ZNF276: variants seen among roughly 807,000 people sequenced by gnomAD.
ZNF276 encodes the protein centromere protein Z.
Under a neutral mutation model 63.9 loss-of-function variants are expected in ZNF276, and 59 were observed. The observed-to-expected ratio is 0.92, with a 90% confidence interval of 0.75 to 1.15. ZNF276 has a LOEUF of 1.15. Ranked by LOEUF, ZNF276 falls within the 50% of genes most tolerant of loss-of-function variation. The pLI, the probability that ZNF276 is intolerant of heterozygous loss-of-function variation, is 0.00. For missense variants in ZNF276, 1,084 were observed against 843.8 expected, an observed-to-expected ratio of 1.28 and a Z score of -3.53; for synonymous variants, 496 against 348.4, an observed-to-expected ratio of 1.42 and a Z score of -4.72.
chr16:89,732,989 C>T (rs556052678), intron 6 of ZNF276: 1 of 262,338 alleles, frequency 3.8e-6, no homozygotes, highest in Non-Finnish European at 7.9e-6. Context: ...TCGCCCTGAC[C>T]CTGCTGTACC....
rs1446453784 is a variant in ZNF276 at position 89,740,223 on chromosome 16, GAC to G, written c.*1979_*1980del. The G allele has an allele frequency of 1.2e-6, 1 of 856,526 alleles. No individual in the cohort carries two copies. Among genetic ancestry groups the G allele is most frequent in the Non-Finnish European group, 2.0e-6 (1 of 498,376 alleles). 53.1% of individuals were successfully genotyped at this position (856,526 alleles called of 1,614,324 possible). On this transcript the variant is annotated 3_prime_UTR_variant, in exon 11 of 11. Transcript: ENST00000443381. ...GCTTATTGTAAGTCTTAAAACTGGT[GAC>G]AGTTTTACCTATAGAAGGTAATACT...
intron 1 of ZNF276, among the ~76,000 whole-genome samples, chr16:89,722,158 C>T (rs1404301734): frequency 6.6e-6 from 1 of 152,176 alleles, no homozygotes; most frequent in African/African-American, 2.4e-5. Context: ...CTGCTTCGTG[C>T]CCTCGCGGAG....
Position 89,738,329 on chromosome 16 carries a change from G to A in ZNF276, c.*83G>A, listed in dbSNP as rs2062019271. The A allele has an allele frequency of 6.6e-7, 1 of 1,506,372 alleles. No individual in the cohort carries two copies. The highest frequency in any genetic ancestry group is 8.9e-7 in the Non-Finnish European group (1 of 1,128,212). 93.3% of individuals were successfully genotyped at this position (1,506,372 alleles called of 1,614,324 possible). On this transcript the variant is annotated 3_prime_UTR_variant, in exon 11 of 11. Transcript: ENST00000443381. The stretch of plus-strand genomic sequence containing the variant: ...CCTCACCCTTCGTGTGCACCCGCAT[G>A]GGAGGGTCGGAGGGTGCTGCCCGCC...
At position 89,740,834 on chromosome 16, in the gene ZNF276, C is replaced by T. The variant is rs1443680543; in HGVS notation, c.*2588C>T. 6.2e-7 allele frequency: 1 copy of T among 1,613,574 alleles called. No individual in the cohort carries two copies. The highest frequency in any genetic ancestry group is 8.5e-7 in the Non-Finnish European group (1 of 1,179,768). On this transcript the variant is annotated 3_prime_UTR_variant, in exon 11 of 11. Coordinates refer to ENST00000443381, the MANE Select transcript of ZNF276 (RefSeq NM_001113525.2). ...AGGTCAGATGTGACGACAGCAGGCC[C>T]ATCAAGGAGAAGAAGAAAAGGAAAA...
chr16:89,721,523 TCCGCCCCTCCC>T, upstream of ZNF276: 2 of 993,250 alleles, frequency 2.0e-6, no homozygotes, highest in Non-Finnish European at 1.4e-6. Context: ...TGCTTCTCGC[TCCGCCCCTCCC>T]CCGCCCCGCC....
chr16:89,720,798 C>A (rs986871832), upstream of ZNF276: 5 of 1,460,790 alleles, frequency 3.4e-6, no homozygotes, highest in East Asian at 3.1e-5. Context: ...TCGATGGCCC[C>A]GTTGGCAAGC....
rs1018077407 is a variant in ZNF276 at position 89,735,318 on chromosome 16, A to G, written c.1474+1280A>G. Among the ~76,000 whole-genome samples, 5 of 152,214 alleles carry G rather than the reference A, an allele frequency of 3.3e-5. No individual in the cohort carries two copies. The East Asian group carries it at 9.6e-4, about 29-fold the overall frequency. ...GGGGGGCCTGGAACCAGCTGAGGAC[A>G]ACTGTATATTGATCCTTACACACAC... On this transcript the variant is annotated intron_variant, in intron 9 of 10. Transcript: ENST00000443381.
chr16:89,728,131 T>C (rs1005704081), intron 5 of ZNF276, among the ~76,000 whole-genome samples: 1 of 150,794 alleles, frequency 6.6e-6, no homozygotes, highest in Non-Finnish European at 1.5e-5. Flanking sequence ...GCACCTGGGG[T>C]GGCTAAGACT....
At chr16:89,732,962 CT>C (rs2061717886) in intron 6 of ZNF276, 1 of 350,230 alleles carries the variant, frequency 2.9e-6, no homozygotes, top group Non-Finnish European at 5.4e-6. Context: ...CTGCTGTGCC[CT>C]CCCCCTCTGC....
chr16:89,728,134 C>G (rs1317621690), intron 5 of ZNF276, among the ~76,000 whole-genome samples: 1 of 151,450 alleles, frequency 6.6e-6, no homozygotes, highest in African/African-American at 2.4e-5. Context: ...CCTGGGGTGG[C>G]TAAGACTGTC....
Position 89,733,965 on chromosome 16 carries a change from C to T in ZNF276, c.1401C>T (p.Cys467=), listed in dbSNP as rs2061763691. The T allele has an allele frequency of 6.2e-7, 1 of 1,614,024 alleles. No individual in the cohort carries two copies. The change falls in exon 9 of 11, where the codon TGC becomes TGT. Residue 467 remains cysteine (C), a synonymous_variant. Transcript: ENST00000443381. ...ACGAGGAGGTCCGGGAGCGGCCCTG[C>T]CCCCACCCTGGCTGCAACAAGGTTT... The part of the protein sequence containing the change: ...EHHEEVRERP[C]PHPGCNKVFM...
chr16:89,727,654 C>G (rs1421371299), intron 5 of ZNF276, among the ~76,000 whole-genome samples: 1 of 152,186 alleles, frequency 6.6e-6, no homozygotes, highest in Non-Finnish European at 1.5e-5. Context: ...CCAGAGAGCA[C>G]TCCCAGACCT....
chr16:89,738,384 G>A lies in ZNF276; in HGVS notation c.*138G>A, dbSNP rs1193486928. On this transcript the variant is annotated 3_prime_UTR_variant, in exon 11 of 11. Transcript: ENST00000443381. ...GTGCTGGAGGCGGGCTTGGTGTCCG[G>A]CTCAAGTAGCCTTCCTCTGCTCTGG... The A allele has an allele frequency of 7.1e-6, 10 of 1,403,828 alleles. No homozygotes were observed. Among genetic ancestry groups the A allele is most frequent in the Non-Finnish European group, 7.6e-6 (8 of 1,046,924 alleles). The allele number at this position is 1,403,828 out of a possible 1,614,324, so 87.0% of individuals were successfully genotyped here.
rs2062005646 is a variant in ZNF276 at position 89,738,000 on chromosome 16, C to A, written c.1599C>A (p.Cys533Ter). ...GGTGTGAGGTCTGTGGGTTCCAGTG[C>A]AGGCAGCGGGCATCCCTCAAGTACC... ...PLQCEVCGFQ[C>*]RQRASLKYHM... Residue 533 changes from cysteine to a stop codon, truncating the protein, a stop_gained, in exon 11 of 11, where the codon TGC becomes TGA. Coordinates refer to ENST00000443381, the MANE Select transcript of ZNF276 (RefSeq NM_001113525.2). LOFTEE classifies it high-confidence loss of function. 1.9e-6 allele frequency: 3 copies of A among 1,614,184 alleles called. No homozygotes were observed. The highest frequency in any genetic ancestry group is 2.5e-6 in the Non-Finnish European group (3 of 1,180,038).
chr16:89,735,544 G>A (rs11649196), intron 9 of ZNF276, among the ~76,000 whole-genome samples: 20,238 of 151,950 alleles, frequency 0.13, 1,512 homozygotes, highest in East Asian at 0.22. Flanking sequence ...GCATCTGTCC[G>A]GTCACTGATG....
chr16:89,723,806 G>A, intron 4 of ZNF276, 97 bp downstream of exon 4: 1 of 1,289,692 alleles, frequency 7.8e-7, no homozygotes, highest in South Asian at 1.5e-5. Context: ...GCTCTAGGTG[G>A]TGGCTGGGGT....
chr16:89,735,184 C>G (rs763471825), intron 9 of ZNF276, among the ~76,000 whole-genome samples: 1 of 151,630 alleles, frequency 6.6e-6, no homozygotes, highest in African/African-American at 2.4e-5. Context: ...GTCAGGGACT[C>G]GAATCCCTGG....
chr16:89,739,370 T>C lies in ZNF276; in HGVS notation c.*1124T>C, dbSNP rs2062063108. 1.3e-6 allele frequency: 2 copies of C among 1,588,182 alleles called. No homozygotes were observed. Among genetic ancestry groups the C allele is most frequent in the Non-Finnish European group, 1.7e-6 (2 of 1,160,980 alleles). On this transcript the variant is annotated 3_prime_UTR_variant, in exon 11 of 11. Transcript: ENST00000443381. ...GATGCCAAGGGATACTGCTCATCTG[T>C]GGAGCAGAGGCACAGACAACCCTTC...
At chr16:89,724,842 CT>C in intron 4 of ZNF276, among the ~76,000 whole-genome samples, 1 of 152,140 alleles carries the variant, frequency 6.6e-6, no homozygotes, top group Non-Finnish European at 1.5e-5. Flanking sequence ...ACCTATCTAT[CT>C]TCCTACTTCT....
Sources: gnomAD v4.1 joint callset for allele counts (sites outside exome capture counted in the v4.1 genomes callset) on GRCh38, gnomAD v4.1.1 for gene constraint, MANE v1.5 for transcripts, NCBI Gene and HGNC (gene_info 2026-07-23, HGNC 2026-07-21) for gene names.